EPS15L1: variants seen among roughly 807,000 people sequenced by gnomAD.
EPS15L1 encodes epidermal growth factor receptor pathway substrate 15 like 1.
Under a neutral mutation model 117.1 loss-of-function variants are expected in EPS15L1, and 43 were observed. That is an observed-to-expected ratio of 0.37 (90% CI 0.29 to 0.47). EPS15L1 has a LOEUF of 0.47. Ranked by LOEUF, EPS15L1 falls within the 20% of genes least tolerant of loss-of-function variation. EPS15L1 has a pLI of 0.99. For synonymous variants in EPS15L1, 459 were observed against 470.5 expected, an observed-to-expected ratio of 0.98 and a Z score of 0.32; for missense variants, 981 against 1,164.0, an observed-to-expected ratio of 0.84 and a Z score of 2.29.
intron 12 of EPS15L1, 90 bp from the exon 13 acceptor site, chr19:16,413,935 G>A (rs2092732129): frequency 8.5e-6 from 8 of 935,878 alleles, no homozygotes; most frequent in Non-Finnish European, 1.4e-5. Flanking sequence ...CCCCACAAAA[G>A]CCCCTCTGTG....
intron 16 of EPS15L1, chr19:16,400,836 C>T (rs1420480331): frequency 1.0e-5 from 10 of 985,264 alleles, no homozygotes; most frequent in Non-Finnish European, 9.6e-6. Flanking sequence ...TGGCCACTTG[C>T]AAACTGCCAC....
intron 8 of EPS15L1, among the ~76,000 whole-genome samples, chr19:16,425,573 C>T (rs1213409023): frequency 6.6e-6 from 1 of 152,238 alleles, no homozygotes; most frequent in Non-Finnish European, 1.5e-5. Context: ...CATATGCATC[C>T]CTTCACCACT....
At chr19:16,362,423 G>A (rs1043987061) in intron 22 of EPS15L1, among the ~76,000 whole-genome samples, 8 of 150,772 alleles carry the variant, frequency 5.3e-5, no homozygotes, top group Admixed American at 4.0e-4. Flanking sequence ...AAATGAAAAG[G>A]AGGAATTAGT....
intron 8 of EPS15L1, among the ~76,000 whole-genome samples, chr19:16,427,036 G>A (rs754273611): frequency 6.6e-6 from 1 of 152,106 alleles, no homozygotes; most frequent in Non-Finnish European, 1.5e-5. Context: ...ACCCTAAAAT[G>A]GTTCACAGGA....
chr19:16,426,853 T>C (rs1379028804), intron 8 of EPS15L1, among the ~76,000 whole-genome samples: 1 of 152,130 alleles, frequency 6.6e-6, no homozygotes, highest in Non-Finnish European at 1.5e-5. Flanking sequence ...GACACGCTCA[T>C]ACAGAATATA....
intron 4 of EPS15L1, 102 bp downstream of exon 4, chr19:16,440,760 G>T: frequency 1.9e-6 from 2 of 1,032,028 alleles, no homozygotes; most frequent in Non-Finnish European, 1.5e-6. Flanking sequence ...CTCATGCCTA[G>T]TAATACTTGA....
chr19:16,441,198 C>A, intron 3 of EPS15L1: 1 of 449,254 alleles, frequency 2.2e-6, no homozygotes, highest in Non-Finnish European at 4.1e-6. Context: ...TGGCCAAGCG[C>A]GGTGGTTCAC....
intron 1 of EPS15L1, among the ~76,000 whole-genome samples, chr19:16,451,604 C>T (rs2093144288): frequency 1.3e-5 from 2 of 151,656 alleles, no homozygotes; most frequent in Admixed American, 1.3e-4. Context: ...TCTCCACTCA[C>T]TGCAAGCTCC....
intron 21 of EPS15L1, among the ~76,000 whole-genome samples, chr19:16,380,471 C>T (rs1468407026): frequency 6.6e-6 from 1 of 152,166 alleles, no homozygotes; most frequent in African/African-American, 2.4e-5. Flanking sequence ...AGTGTCTAGT[C>T]ACACAGACAT....
intron 1 of EPS15L1, among the ~76,000 whole-genome samples, chr19:16,470,624 TAATA>T (rs1184240124): frequency 6.6e-6 from 1 of 151,806 alleles, no homozygotes; most frequent in Non-Finnish European, 1.5e-5. Flanking sequence ...ACTTGCTAAT[TAATA>T]ATCACCGGGT....
rs939961246 is a variant in EPS15L1 at position 16,444,186 on chromosome 19, G to C, written c.34-1967C>G. On this transcript the variant is annotated intron_variant, in intron 1 of 23. Coordinates refer to ENST00000455140, the MANE Select transcript of EPS15L1 (RefSeq NM_001258374.3). The stretch of plus-strand genomic sequence containing the variant: ...GGGAAAAAGTCAAAAAAAAAAAAAA[G>C]AGGAAAAGAAAGGGGGAAACACTGA... 9.9e-5 allele frequency among the ~76,000 whole-genome samples: 13 copies of C among 131,884 alleles called. 1 individual carries two copies. 86.5% of individuals were successfully genotyped at this position (131,884 alleles called of 152,430 possible).
chr19:16,456,468 C>A (rs891488365), intron 1 of EPS15L1, among the ~76,000 whole-genome samples: 5 of 151,824 alleles, frequency 3.3e-5, no homozygotes, highest in Non-Finnish European at 7.4e-5. Context: ...ACCAGCCTGG[C>A]CAACATGGTG....
chr19:16,453,651 T>G (rs2093167628), intron 1 of EPS15L1, among the ~76,000 whole-genome samples: 1 of 151,778 alleles, frequency 6.6e-6, no homozygotes, highest in Non-Finnish European at 1.5e-5. Flanking sequence ...AGGCGGATCT[T>G]GCAGTGAGCC....
In EPS15L1 at chr19:16,433,060, C is replaced by T. The variant is rs769213716; in HGVS notation, c.498+1305G>A. ...TCCTGGACTCAAGTAATCTGCCCGCCCCAGCCTCCCAAAGTGCTGGGATTA... is the reference window on the plus strand; with the variant it reads ...TCCTGGACTCAAGTAATCTGCCCGCTCCAGCCTCCCAAAGTGCTGGGATTA... On this transcript the variant is annotated intron_variant, in intron 7 of 23. Coordinates refer to ENST00000455140, the MANE Select transcript of EPS15L1 (RefSeq NM_001258374.3). Among the ~76,000 whole-genome samples, 43 of 152,204 alleles carry T rather than the reference C, an allele frequency of 2.8e-4. 1 individual carries two copies. Among genetic ancestry groups the T allele is most frequent in the African/African-American group, 1.0e-3 (43 of 41,526 alleles).
chr19:16,420,253 G>A (rs1184591870), intron 10 of EPS15L1, among the ~76,000 whole-genome samples: 2 of 152,192 alleles, frequency 1.3e-5, no homozygotes, highest in Non-Finnish European at 2.9e-5. Flanking sequence ...GTGATTTCCT[G>A]TGTCATTTCC....
intron 21 of EPS15L1, among the ~76,000 whole-genome samples, chr19:16,384,807 GA>G (rs1462829614): frequency 6.6e-6 from 1 of 152,172 alleles, no homozygotes; most frequent in African/African-American, 2.4e-5. Flanking sequence ...TGGCCCTCTC[GA>G]GACGCCTGTG....
rs376003951 is a variant in EPS15L1, at chr19:16,425,067, G to A, written c.792+16C>T. The A allele has an allele frequency of 3.0e-5, 48 of 1,602,960 alleles. No individual in the cohort carries two copies. The African/African-American group carries it at 3.2e-4, about 11-fold the overall frequency. ...TGTGCTCTGAGAGGGGGCTGTGCCC[G>A]CTGAGGGCTCCGTACCTGTGTTTGC... On this transcript the variant is annotated intron_variant, in intron 9 of 23. Coordinates refer to ENST00000455140, the MANE Select transcript of EPS15L1 (RefSeq NM_001258374.3).
rs762192773 is a variant in EPS15L1, at chr19:16,425,058, G to A, written c.792+25C>T. 59 of 1,566,728 alleles carry A rather than the reference G, an allele frequency of 3.8e-5. No individual in the cohort carries two copies. In the Admixed American group the frequency reaches 9.2e-4, roughly 24 times the overall value. On this transcript the variant is annotated intron_variant, in intron 9 of 23. Transcript: ENST00000455140. ...ACATCCTACTGTGCTCTGAGAGGGG[G>A]CTGTGCCCGCTGAGGGCTCCGTACC...
chr19:16,410,016 C>G (rs1423816855), intron 13 of EPS15L1, among the ~76,000 whole-genome samples: 5 of 151,084 alleles, frequency 3.3e-5, no homozygotes, highest in South Asian at 2.1e-4. Context: ...TGCCTGTAAT[C>G]CCAGCTACTC....
Sources: allele counts gnomAD v4.1 joint callset (sites outside exome capture counted in the v4.1 genomes callset), GRCh38; gene constraint gnomAD v4.1.1; transcripts MANE v1.5; gene names NCBI Gene and HGNC (gene_info 2026-07-23, HGNC 2026-07-21).